SRL: variants seen among roughly 807,000 people sequenced by gnomAD.
SRL encodes the protein sarcalumenin.
SRL carries 23 observed loss-of-function variants against 39.5 expected under a neutral mutation model. The ratio of observed to expected loss-of-function variants is 0.58; its 90% CI spans 0.42 to 0.82. The LOEUF (loss-of-function observed/expected upper bound fraction) is 0.82. SRL is among the 40% of genes least tolerant of loss of function. SRL has a pLI of 0.00. For synonymous variants in SRL, 272 were observed against 237.4 expected (o/e 1.15, Z -1.34); for missense variants, 592 against 607.8 (o/e 0.97, Z 0.27).
At chr16:4,195,936 G>T in intron 4 of SRL, 150 bp from the exon 5 acceptor site, 2 of 657,420 alleles carry the variant, frequency 3.0e-6, no homozygotes, top group South Asian at 2.0e-5. Flanking sequence ...TTTTAATTGT[G>T]GTAAAACATA....
chr16:4,198,968 G>C (rs1420344286), intron 3 of SRL, among the ~76,000 whole-genome samples: 3 of 152,170 alleles, frequency 2.0e-5, no homozygotes, highest in Non-Finnish European at 4.4e-5. Context: ...GAGGGAAGGG[G>C]AGAGGCTTTC....
At chr16:4,209,910 G>A (rs2052371836) in intron 1 of SRL, among the ~76,000 whole-genome samples, 1 of 152,142 alleles carries the variant, frequency 6.6e-6, no homozygotes, top group Admixed American at 6.5e-5. Flanking sequence ...TCCCTGTCCA[G>A]GCTTCCATGC....
rs1367101829 is a variant in SRL, at chr16:4,207,155, A to C, written c.62-2521T>G. 4 of 456,602 alleles carry C rather than the reference A, an allele frequency of 8.8e-6. No homozygotes were observed. The Admixed American group carries it at 9.4e-5, about 11-fold the overall frequency. 28.3% of individuals were successfully genotyped at this position (456,602 alleles called of 1,614,324 possible). On this transcript the variant is annotated intron_variant, in intron 1 of 5. Transcript: ENST00000399609. ...CCTCTGCTTCTTCTGAGCTAGCCCC[A>C]TCGCCGCTGTCCTCTTCGGACTCCT...
chr16:4,238,062 A>T (rs2052731797), intron 1 of SRL, among the ~76,000 whole-genome samples: 1 of 152,236 alleles, frequency 6.6e-6, no homozygotes, highest in South Asian at 2.1e-4. Context: ...GCAGGGATGC[A>T]GCAAACGAGG....
At chr16:4,223,962 G>A (rs2141058632) in intron 1 of SRL, among the ~76,000 whole-genome samples, 1 of 152,274 alleles carries the variant, frequency 6.6e-6, no homozygotes, top group East Asian at 1.9e-4. Flanking sequence ...GGGCATAGCT[G>A]GCCCTGCTCC....
chr16:4,201,642 TTTG>T, intron 3 of SRL, among the ~76,000 whole-genome samples: 1 of 14,718 alleles, frequency 6.8e-5, no homozygotes, highest in Non-Finnish European at 1.8e-4. Context: ...GTGTGTTTTG[TTTG>T]TTTGTTTGTT....
intron 1 of SRL, among the ~76,000 whole-genome samples, chr16:4,234,445 G>A (rs1451187420): frequency 6.6e-6 from 1 of 152,204 alleles, no homozygotes; most frequent in Non-Finnish European, 1.5e-5. Flanking sequence ...ACAGGCAACA[G>A]GCATGTCCCC....
rs112068578 is a variant in SRL, at chr16:4,238,077, G to A, written c.61+3930C>T. On this transcript the variant is annotated intron_variant, in intron 1 of 5. Coordinates refer to ENST00000399609, the MANE Select transcript of SRL (RefSeq NM_001098814.2). ...GCAGGGATGCAGCAAACGAGGGATG[G>A]GTTCACGAATGATGGAACACGTTGA... Among the ~76,000 whole-genome samples, 609 of 152,334 alleles carry A rather than the reference G, an allele frequency of 4.0e-3. 5 individuals carry two copies. Among genetic ancestry groups the A allele is most frequent in the African/African-American group, 0.014 (584 of 41,560 alleles).
At chr16:4,196,956 T>G (rs760093089) in intron 4 of SRL, among the ~76,000 whole-genome samples, 1 of 152,166 alleles carries the variant, frequency 6.6e-6, no homozygotes, top group Non-Finnish European at 1.5e-5. Flanking sequence ...CTTTCATCCA[T>G]TGATGAACAT....
intron 3 of SRL, among the ~76,000 whole-genome samples, chr16:4,200,580 C>T (rs920787295): frequency 6.6e-6 from 1 of 152,204 alleles, no homozygotes; most frequent in South Asian, 2.1e-4. Flanking sequence ...GCTCCTGGCC[C>T]TGCTGCTGTA....
chr16:4,230,748 T>C (rs1438778195), intron 1 of SRL, among the ~76,000 whole-genome samples: 3 of 152,124 alleles, frequency 2.0e-5, no homozygotes, highest in African/African-American at 4.8e-5. Context: ...GATGAGATCA[T>C]ACTGGATTAG....
chr16:4,206,004 G>T (rs882820), intron 1 of SRL, among the ~76,000 whole-genome samples: 37 of 151,826 alleles, frequency 2.4e-4, no homozygotes, highest in Non-Finnish European at 4.4e-4. Context: ...AGCCATCTTG[G>T]AGAGTGAAGA....
chr16:4,212,438 C>T (rs2052404916), intron 1 of SRL, among the ~76,000 whole-genome samples: 1 of 152,212 alleles, frequency 6.6e-6, no homozygotes, highest in Non-Finnish European at 1.5e-5. Context: ...CGCATGACAT[C>T]TCACTTCAAT....
At chr16:4,231,240 C>T (rs964300898) in intron 1 of SRL, among the ~76,000 whole-genome samples, 14 of 152,038 alleles carry the variant, frequency 9.2e-5, no homozygotes, top group African/African-American at 1.5e-4. Context: ...CACTTGAGCC[C>T]GGGAGGCAGA....
At chr16:4,201,923 G>A (rs2052238773) in intron 3 of SRL, among the ~76,000 whole-genome samples, 1 of 151,992 alleles carries the variant, frequency 6.6e-6, no homozygotes, top group South Asian at 2.1e-4. Context: ...TAAAGTGCTG[G>A]TATTACAGGT....
intron 2 of SRL, among the ~76,000 whole-genome samples, chr16:4,203,614 T>C (rs748231943): frequency 9.2e-5 from 14 of 152,116 alleles, no homozygotes; most frequent in Non-Finnish European, 1.8e-4. Flanking sequence ...CTCTAACTCC[T>C]GGGCTCAAGT....
intron 1 of SRL, chr16:4,207,901 C>T (rs1040670380): frequency 1.8e-5 from 8 of 456,556 alleles, no homozygotes; most frequent in Admixed American, 2.4e-5. Context: ...TCGGGGCCCG[C>T]GCTGGCGGCA....
chr16:4,231,856 G>T (rs941834748), intron 1 of SRL, among the ~76,000 whole-genome samples: 1 of 152,190 alleles, frequency 6.6e-6, no homozygotes, highest in Non-Finnish European at 1.5e-5. Context: ...TTTAAGCTTA[G>T]AAAGTATCTA....
chr16:4,197,420 C>CTTT (rs1597267271), intron 4 of SRL, among the ~76,000 whole-genome samples: 1 of 65,714 alleles, frequency 1.5e-5, no homozygotes, highest in African/African-American at 8.6e-5. Context: ...ACTTTTCTTT[C>CTTT]CTTTTTTTTT....
Sources: gnomAD v4.1 joint callset for allele counts (sites outside exome capture counted in the v4.1 genomes callset) on GRCh38, gnomAD v4.1.1 for gene constraint, MANE v1.5 for transcripts, NCBI Gene and HGNC (gene_info 2026-07-23, HGNC 2026-07-21) for gene names.